Variants in UBR1 observed in about 807,000 individuals in gnomAD.
UBR1 encodes the protein E3 ubiquitin-protein ligase UBR1.
In UBR1, 102 loss-of-function variants were observed where a neutral mutation model predicts 242.1. That is an observed-to-expected ratio of 0.42 (90% CI 0.36 to 0.50). The LOEUF (loss-of-function observed/expected upper bound fraction) is 0.50. UBR1 is among the 20% of genes least tolerant of loss of function. The probability of loss-of-function intolerance (pLI) is 0.01; values close to 1 mark genes in which losing one functional copy is unlikely to be tolerated. For synonymous variants in UBR1, 675 were observed against 684.8 expected (o/e 0.99, Z 0.22); for missense variants, 1,772 against 2,101.8 (o/e 0.84, Z 3.07).
chr15:43,004,899 C>A (rs2032784293), intron 30 of UBR1, among the ~76,000 whole-genome samples: 1 of 150,258 alleles, frequency 6.7e-6, no homozygotes, highest in African/African-American at 2.5e-5. Context: ...GTGAGGAGCA[C>A]CTCTTCCCAG....
chr15:43,048,253 T>C (rs1289333383), intron 13 of UBR1, 139 bp downstream of exon 13: 2 of 659,954 alleles, frequency 3.0e-6, no homozygotes, highest in Non-Finnish European at 5.2e-6. Flanking sequence ...ACAGGATGAG[T>C]GAGTCAATGT....
At chr15:43,093,078 C>A (rs1478831322) in intron 1 of UBR1, among the ~76,000 whole-genome samples, 1 of 152,072 alleles carries the variant, frequency 6.6e-6, no homozygotes, top group Non-Finnish European at 1.5e-5. Context: ...GAAAGCTTTC[C>A]TAATTGACTA....
Position 43,070,775 on chromosome 15 carries a change from C to T in UBR1, c.659+20G>A, listed in dbSNP as rs767117198. ...AAATAACCATCACTAAAACTTGTTCCGTTTGACAGTTTTCCCCACCTTATC... is the reference window on the plus strand; with the variant it reads ...AAATAACCATCACTAAAACTTGTTCTGTTTGACAGTTTTCCCCACCTTATC... On this transcript the variant is annotated intron_variant, in intron 5 of 46. Coordinates refer to ENST00000290650, the MANE Select transcript of UBR1 (RefSeq NM_174916.3). 1.9e-5 allele frequency: 30 copies of T among 1,611,760 alleles called. No individual in the cohort carries two copies. Among genetic ancestry groups the T allele is most frequent in the African/African-American group, 1.3e-4 (10 of 74,898 alleles).
Position 43,086,106 on chromosome 15 carries a change from A to G in UBR1, c.216T>C (p.Thr72=). 1 of 1,614,082 alleles carries G rather than the reference A, an allele frequency of 6.2e-7. No individual in the cohort carries two copies. The change falls in exon 2 of 47, where the codon ACT becomes ACC. Residue 72 remains threonine, a synonymous_variant. Transcript: ENST00000290650. ...CTCCAAATAAGTACCATTCCAGTGGAGTGAATATTGACATTTGTACACTTT... is the reference window on the plus strand; with the variant it reads ...CTCCAAATAAGTACCATTCCAGTGGGGTGAATATTGACATTTGTACACTTT... The part of the protein sequence containing the change: ...QEESVQMSIF[T]PLEWYLFGED...
chr15:43,066,752 A>C (rs1455842748), intron 6 of UBR1, among the ~76,000 whole-genome samples: 2 of 152,094 alleles, frequency 1.3e-5, no homozygotes, highest in Admixed American at 1.3e-4. Flanking sequence ...GAAGAACTGA[A>C]CTGCATACCC....
intron 11 of UBR1, 49 bp from the exon 12 acceptor site, chr15:43,054,948 A>T (rs779390751): frequency 1.3e-6 from 2 of 1,594,730 alleles, no homozygotes; most frequent in Non-Finnish European, 1.7e-6. Context: ...TCATTGTGGT[A>T]TGGACTTAAT....
intron 46 of UBR1, among the ~76,000 whole-genome samples, chr15:42,949,536 T>C (rs2031794162): frequency 6.6e-6 from 1 of 152,042 alleles, no homozygotes; most frequent in Non-Finnish European, 1.5e-5. Context: ...TGGTGGCTCA[T>C]GCCTGTAATC....
At chr15:43,058,151 C>A (rs2141335872) in intron 10 of UBR1, among the ~76,000 whole-genome samples, 190 bp downstream of exon 10, 2 of 152,196 alleles carry the variant, frequency 1.3e-5, no homozygotes, top group South Asian at 4.2e-4. Context: ...TTCAAATGAT[C>A]CACCCACCTC....
chr15:43,025,626 G>C, intron 23 of UBR1, 197 bp from the exon 24 acceptor site: 1 of 557,692 alleles, frequency 1.8e-6, no homozygotes, highest in Non-Finnish European at 3.2e-6. Context: ...GAATATCCCT[G>C]ATCAAAAACT....
At chr15:42,949,850 C>CT (rs774175273) in intron 46 of UBR1, among the ~76,000 whole-genome samples, 2,807 of 141,278 alleles carry the variant, frequency 0.02, 34 homozygotes, top group Non-Finnish European at 0.03. Context: ...CTCTCAATTA[C>CT]TTTTTTTTTT....
intron 29 of UBR1, among the ~76,000 whole-genome samples, chr15:43,014,307 G>C (rs1418756521): frequency 6.6e-6 from 1 of 152,140 alleles, no homozygotes; most frequent in African/African-American, 2.4e-5. Context: ...CCGCCACCCC[G>C]TCTGGGAAGT....
intron 39 of UBR1, 103 bp from the exon 40 acceptor site, chr15:42,970,710 C>A: frequency 3.9e-6 from 4 of 1,018,194 alleles, no homozygotes; most frequent in Non-Finnish European, 5.9e-6. Context: ...TAGATTCATT[C>A]AACTGAGGTT....
intron 27 of UBR1, among the ~76,000 whole-genome samples, chr15:43,018,952 TAATA>T (rs2033066493): frequency 6.6e-6 from 1 of 152,260 alleles, no homozygotes; most frequent in South Asian, 2.1e-4. Context: ...TTTACTTTCT[TAATA>T]GTTACCTACT....
intron 40 of UBR1, 69 bp downstream of exon 40, chr15:42,970,451 T>G: frequency 6.8e-7 from 1 of 1,468,956 alleles, no homozygotes; most frequent in Non-Finnish European, 9.5e-7. Flanking sequence ...ATTCAAATGT[T>G]ACGTTGCCAA....
At chr15:42,975,279 T>C (rs572687203) in intron 39 of UBR1, among the ~76,000 whole-genome samples, 2 of 152,350 alleles carry the variant, frequency 1.3e-5, no homozygotes, top group South Asian at 4.1e-4. Context: ...AATGCTACAC[T>C]ATAGCCACTA....
intron 30 of UBR1, among the ~76,000 whole-genome samples, chr15:43,005,512 G>A (rs1465440990): frequency 3.3e-5 from 5 of 151,828 alleles, no homozygotes; most frequent in Admixed American, 3.3e-4. Flanking sequence ...TCTGGGAGGT[G>A]GGGGGGCGCC....
chr15:43,017,771 C>T (rs1487076664), intron 27 of UBR1, among the ~76,000 whole-genome samples: 7 of 150,348 alleles, frequency 4.7e-5, no homozygotes, highest in Non-Finnish European at 7.4e-5. Context: ...GATTGTGCCA[C>T]TGCACTCCAG....
intron 32 of UBR1, 126 bp from the exon 33 acceptor site, chr15:42,998,391 T>C: frequency 2.4e-6 from 2 of 832,142 alleles, no homozygotes; most frequent in East Asian, 2.7e-5. Context: ...ATTAATTTCC[T>C]AGGTCACAGA....
chr15:43,029,129 A>G (rs965289971), intron 21 of UBR1, among the ~76,000 whole-genome samples: 2 of 152,300 alleles, frequency 1.3e-5, no homozygotes, highest in Admixed American at 1.3e-4. Context: ...ACACACGCAC[A>G]CACACACACA....
Sources: gnomAD v4.1 joint callset for allele counts (sites outside exome capture counted in the v4.1 genomes callset) on GRCh38, gnomAD v4.1.1 for gene constraint, MANE v1.5 for transcripts, NCBI Gene and HGNC (gene_info 2026-07-23, HGNC 2026-07-21) for gene names.